The following H3C2 variants were observed in gnomAD, a reference collection of about 807,000 sequenced individuals.
H3C2 encodes the protein H3 clustered histone 2, also known as histone H3.1.
In H3C2, 13 loss-of-function variants were observed where a neutral mutation model predicts 8.7. The observed-to-expected ratio is 1.49, with a 90% confidence interval of 0.97 to 2.37. H3C2 has a LOEUF of 2.37. Ranked by LOEUF, H3C2 falls within the 30% of genes most tolerant of loss-of-function variation. The probability of loss-of-function intolerance (pLI) is 0.00; values close to 1 mark genes in which losing one functional copy is unlikely to be tolerated. For synonymous variants in H3C2, 166 were observed against 77.6 expected (o/e 2.14, Z -5.99); for missense variants, 144 against 190.4 (o/e 0.76, Z 1.44).
rs746444788 is a variant in H3C2, at chr6:26,031,923, A to G, written c.138T>C (p.Thr46=). The G allele has an allele frequency of 6.2e-7, 1 of 1,614,220 alleles. No individual in the cohort carries two copies. The highest frequency in any genetic ancestry group is 8.5e-7 in the Non-Finnish European group (1 of 1,180,034). Residue 46 remains threonine, a synonymous_variant, in exon 1 of 1, where the codon ACT becomes ACC. Coordinates refer to ENST00000621411, the MANE Select transcript of H3C2 (RefSeq NM_003537.4). ...VKKPHRYRPG[T]VALREIRRYQ... is the part of the protein sequence containing the mutation. ...AGCGGCGGATCTCGCGCAGAGCCAC[A>G]GTGCCCGGGCGGTAACGGTGAGGCT...
chr6:26,031,814 G>T lies in H3C2; in HGVS notation c.247C>A (p.Leu83Ile). 6.2e-7 allele frequency: 1 copy of T among 1,614,248 alleles called. No individual in the cohort carries two copies. Residue 83 changes from leucine (L) to isoleucine (I), a missense_variant, in exon 1 of 1, where the codon CTT becomes ATT. Coordinates refer to ENST00000621411, the MANE Select transcript of H3C2 (RefSeq NM_003537.4). ...REIAQDFKTD[L>I]RFQSSAVMAL... The stretch of plus-strand genomic sequence containing the variant: ...ATCACCGCAGAGCTCTGGAAGCGAA[G>T]ATCGGTCTTGAAGTCTTGGGCGATT...
Position 26,031,684 on chromosome 6 carries a change from T to G in H3C2, c.377A>C (p.Gln126Pro). 1 of 1,613,758 alleles carries G rather than the reference T, an allele frequency of 6.2e-7. No individual in the cohort carries two copies. The highest frequency in any genetic ancestry group is 8.5e-7 in the Non-Finnish European group (1 of 1,179,918). ...KRVTIMPKDIQLARRIRGERA is the reference protein window; with the variant it reads ...KRVTIMPKDIPLARRIRGERA ...TTCTCCGCGAATGCGGCGAGCGAGC[T>G]GGATGTCTTTGGGCATAATAGTCAC... The change falls in exon 1 of 1, where the codon CAG (glutamine) becomes CCG (proline). Residue 126 changes from glutamine (Q) to proline (P), a missense_variant. Transcript: ENST00000621411.
chr6:26,031,686 G>C lies in H3C2; in HGVS notation c.375C>G (p.Ile125Met), dbSNP rs757101316. The C allele has an allele frequency of 6.2e-7, 1 of 1,613,768 alleles. No homozygotes were observed. Among genetic ancestry groups the C allele is most frequent in the Non-Finnish European group, 8.5e-7 (1 of 1,179,942 alleles). Residue 125 changes from isoleucine (I) to methionine (M), a missense_variant, in exon 1 of 1, where the codon ATC becomes ATG. Transcript: ENST00000621411. ...AKRVTIMPKD[I>M]QLARRIRGER... Reference sequence around the variant, plus strand: ...CTCCGCGAATGCGGCGAGCGAGCTGGATGTCTTTGGGCATAATAGTCACTC... The same window carrying C: ...CTCCGCGAATGCGGCGAGCGAGCTGCATGTCTTTGGGCATAATAGTCACTC...
rs779220917 is a variant in H3C2, at chr6:26,031,787, C to A, written c.274G>T (p.Ala92Ser). ...TAGGCCTCACAAGCCTCCTGCAGCG[C>A]CATCACCGCAGAGCTCTGGAAGCGA... is the stretch of plus-strand genomic sequence containing the variant. ...DLRFQSSAVM[A>S]LQEACEAYLV... is the part of the protein sequence containing the mutation. The change falls in exon 1 of 1, where the codon GCG becomes TCG. Residue 92 changes from alanine to serine, a missense_variant. Ala to Ser is a moderately conservative substitution (Grantham distance 99, BLOSUM62 1). Transcript: ENST00000621411. The A allele has an allele frequency of 6.2e-7, 1 of 1,614,238 alleles. No homozygotes were observed. Among genetic ancestry groups the A allele is most frequent in the Non-Finnish European group, 8.5e-7 (1 of 1,180,036 alleles).
rs1454191612 is a variant in H3C2, at chr6:26,031,631, TG to T, written c.*18del. The T allele has an allele frequency of 6.8e-6, 11 of 1,608,454 alleles. No homozygotes were observed. Among genetic ancestry groups the T allele is most frequent in the South Asian group, 1.1e-5 (1 of 90,174 alleles). On this transcript the variant is annotated 3_prime_UTR_variant, in exon 1 of 1. Transcript: ENST00000621411. Reference sequence around the variant, plus strand: ...AAGAGCCTTTGGGTTTTAAGACTGATGAAAAAGTGACTTTACATTTACGCTC... The same window carrying T: ...AAGAGCCTTTGGGTTTTAAGACTGATAAAAAGTGACTTTACATTTACGCTC...
Position 26,031,620 on chromosome 6 carries a change from T to C in H3C2, c.*30A>G. 1.2e-6 allele frequency: 2 copies of C among 1,606,386 alleles called. No individual in the cohort carries two copies. Among genetic ancestry groups the C allele is most frequent in the Non-Finnish European group, 8.5e-7 (1 of 1,177,414 alleles). ...GTGGCTCTGAAAAGAGCCTTTGGGT[T>C]TTAAGACTGATGAAAAAGTGACTTT... is the stretch of plus-strand genomic sequence containing the variant. On this transcript the variant is annotated 3_prime_UTR_variant, in exon 1 of 1. Transcript: ENST00000621411.
chr6:26,032,049 A>G lies in H3C2; in HGVS notation c.12T>C (p.Thr4=), dbSNP rs754412657. Residue 4 remains threonine (T), a synonymous_variant, in exon 1 of 1, where the codon ACT becomes ACC. Transcript: ENST00000621411. The part of the protein sequence containing the change: MAR[T]KQTARKSTGG... The stretch of plus-strand genomic sequence containing the variant: ...CGGTGGATTTCCGAGCTGTCTGTTT[A>G]GTACGAGCCATGGCAAAACCACAGA... 1 of 1,611,248 alleles carries G rather than the reference A, an allele frequency of 6.2e-7. No homozygotes were observed. The highest frequency in any genetic ancestry group is 1.1e-5 in the South Asian group (1 of 90,936).
rs1177773736 is a variant in H3C2, at chr6:26,031,869, C to T, written c.192G>A (p.Arg64=). The T allele has an allele frequency of 1.1e-5, 18 of 1,614,142 alleles. No homozygotes were observed. Among genetic ancestry groups the T allele is most frequent in the Non-Finnish European group, 1.5e-5 (18 of 1,180,060 alleles). ...GCACCAGGCGCTGGAACGGCAGCTT[C>T]CGAATCAGCAACTCGGTCGACTTTT... ...RYQKSTELLI[R]KLPFQRLVRE... The change falls in exon 1 of 1, where the codon CGG becomes CGA. Residue 64 remains arginine (R), a synonymous_variant. Transcript: ENST00000621411.
At position 26,031,884 on chromosome 6, in the gene H3C2, G is replaced by A. The variant is rs754728737; in HGVS notation, c.177C>T (p.Thr59=). 17 of 1,614,236 alleles carry A rather than the reference G, an allele frequency of 1.1e-5. No individual in the cohort carries two copies. Among genetic ancestry groups the A allele is most frequent in the Non-Finnish European group, 1.4e-5 (17 of 1,180,038 alleles). The part of the protein sequence containing the change: ...LREIRRYQKS[T]ELLIRKLPFQ... ...ACGGCAGCTTCCGAATCAGCAACTC[G>A]GTCGACTTTTGGTAGCGGCGGATCT... The change falls in exon 1 of 1, where the codon ACC becomes ACT. Residue 59 remains threonine (T), a synonymous_variant. Transcript: ENST00000621411.
rs757101316 is a variant in H3C2, at chr6:26,031,686, G to A, written c.375C>T (p.Ile125=). ...AKRVTIMPKD[I]QLARRIRGER... ...CTCCGCGAATGCGGCGAGCGAGCTG[G>A]ATGTCTTTGGGCATAATAGTCACTC... Residue 125 remains isoleucine, a synonymous_variant, in exon 1 of 1, where the codon ATC becomes ATT. Coordinates refer to ENST00000621411, the MANE Select transcript of H3C2 (RefSeq NM_003537.4). 2 of 1,613,650 alleles carry A rather than the reference G, an allele frequency of 1.2e-6. No homozygotes were observed. The highest frequency in any genetic ancestry group is 1.1e-5 in the South Asian group (1 of 90,994).
rs201191911 is a variant in H3C2 at position 26,032,065 on chromosome 6, A to G, written c.-5T>C. ...TGTCTGTTTAGTACGAGCCATGGCA[A>G]AACCACAGAAAAGCTTGCCTGCAGA... On this transcript the variant is annotated 5_prime_UTR_variant, in exon 1 of 1. Coordinates refer to ENST00000621411, the MANE Select transcript of H3C2 (RefSeq NM_003537.4). 1.9e-6 allele frequency: 3 copies of G among 1,602,838 alleles called. No homozygotes were observed. Among genetic ancestry groups the G allele is most frequent in the South Asian group, 2.2e-5 (2 of 89,860 alleles).
Position 26,031,683 on chromosome 6 carries a change from C to G in H3C2, c.378G>C (p.Gln126His), listed in dbSNP as rs746929507. Reference sequence around the variant, plus strand: ...TTTCTCCGCGAATGCGGCGAGCGAGCTGGATGTCTTTGGGCATAATAGTCA... The same window carrying G: ...TTTCTCCGCGAATGCGGCGAGCGAGGTGGATGTCTTTGGGCATAATAGTCA... ...KRVTIMPKDI[Q>H]LARRIRGERA Residue 126 changes from glutamine (Q) to histidine (H), a missense_variant, in exon 1 of 1, where the codon CAG becomes CAC. Gln to His is a conservative substitution (Grantham distance 24). Transcript: ENST00000621411. 1.2e-6 allele frequency: 2 copies of G among 1,613,696 alleles called. No homozygotes were observed. The highest frequency in any genetic ancestry group is 1.7e-6 in the Non-Finnish European group (2 of 1,179,928).
rs764344046 is a variant in H3C2 at position 26,031,971 on chromosome 6, C to T, written c.90G>A (p.Ala30=). 1.2e-6 allele frequency: 2 copies of T among 1,614,174 alleles called. No homozygotes were observed. Among genetic ancestry groups the T allele is most frequent in the South Asian group, 1.1e-5 (1 of 91,082 alleles). ...GCTTTTTCACGCCGCCGGTAGCCGGCGCGCTCTTGCGAGCAGCCTTGGTAG... is the reference window on the plus strand; with the variant it reads ...GCTTTTTCACGCCGCCGGTAGCCGGTGCGCTCTTGCGAGCAGCCTTGGTAG... ...QLATKAARKS[A]PATGGVKKPH... The change falls in exon 1 of 1, where the codon GCG becomes GCA. Residue 30 remains alanine, a synonymous_variant. Transcript: ENST00000621411.
Position 26,031,965 on chromosome 6 carries a change from A to C in H3C2, c.96T>G (p.Ala32=). ...GGTGAGGCTTTTTCACGCCGCCGGTAGCCGGCGCGCTCTTGCGAGCAGCCT... is the reference window on the plus strand; with the variant it reads ...GGTGAGGCTTTTTCACGCCGCCGGTCGCCGGCGCGCTCTTGCGAGCAGCCT... The part of the protein sequence containing the change: ...ATKAARKSAP[A]TGGVKKPHRY... The change falls in exon 1 of 1, where the codon GCT becomes GCG. Residue 32 remains alanine, a synonymous_variant. Coordinates refer to ENST00000621411, the MANE Select transcript of H3C2 (RefSeq NM_003537.4). 1 of 1,614,202 alleles carries C rather than the reference A, an allele frequency of 6.2e-7. No individual in the cohort carries two copies. The highest frequency in any genetic ancestry group is 8.5e-7 in the Non-Finnish European group (1 of 1,180,032).
Position 26,031,886 on chromosome 6 carries a change from T to C in H3C2, c.175A>G (p.Thr59Ala), listed in dbSNP as rs765126317. The change falls in exon 1 of 1, where the codon ACC (threonine) becomes GCC (alanine). Residue 59 changes from threonine to alanine, a missense_variant. Physicochemically the swap from Thr to Ala is moderately conservative, Grantham distance 58. Coordinates refer to ENST00000621411, the MANE Select transcript of H3C2 (RefSeq NM_003537.4). ...LREIRRYQKSTELLIRKLPFQ... is the reference protein window; with the variant it reads ...LREIRRYQKSAELLIRKLPFQ... ...GGCAGCTTCCGAATCAGCAACTCGG[T>C]CGACTTTTGGTAGCGGCGGATCTCG... The C allele has an allele frequency of 1.2e-6, 2 of 1,614,248 alleles. No homozygotes were observed. Among genetic ancestry groups the C allele is most frequent in the Admixed American group, 1.7e-5 (1 of 60,028 alleles).
rs761223185 is a variant in H3C2 at position 26,031,818 on chromosome 6, G to C, written c.243C>G (p.Thr81=). 14 of 1,614,102 alleles carry C rather than the reference G, an allele frequency of 8.7e-6. No individual in the cohort carries two copies. The South Asian group carries it at 1.1e-4, about 13-fold the overall frequency. Reference sequence around the variant, plus strand: ...CCGCAGAGCTCTGGAAGCGAAGATCGGTCTTGAAGTCTTGGGCGATTTCTC... The same window carrying C: ...CCGCAGAGCTCTGGAAGCGAAGATCCGTCTTGAAGTCTTGGGCGATTTCTC... ...LVREIAQDFK[T]DLRFQSSAVM... The change falls in exon 1 of 1, where the codon ACC becomes ACG. Residue 81 remains threonine, a synonymous_variant. Transcript: ENST00000621411.
Position 26,031,606 on chromosome 6 carries a change from A to G in H3C2, c.*44T>C. ...GTTGGAATAAGTGGGTGGCTCTGAA[A>G]AGAGCCTTTGGGTTTTAAGACTGAT... is the stretch of plus-strand genomic sequence containing the variant. On this transcript the variant is annotated 3_prime_UTR_variant, in exon 1 of 1. Transcript: ENST00000621411. The G allele has an allele frequency of 1.3e-6, 2 of 1,583,540 alleles. No individual in the cohort carries two copies. Among genetic ancestry groups the G allele is most frequent in the Non-Finnish European group, 1.7e-6 (2 of 1,164,478 alleles).
rs2113678919 is a variant in H3C2 at position 26,031,988 on chromosome 6, C to T, written c.73G>A (p.Ala25Thr). The change falls in exon 1 of 1, where the codon GCT becomes ACT. Residue 25 changes from alanine to threonine, a missense_variant. Ala to Thr is a moderately conservative substitution (Grantham distance 58). Coordinates refer to ENST00000621411, the MANE Select transcript of H3C2 (RefSeq NM_003537.4). ...GTAGCCGGCGCGCTCTTGCGAGCAGCCTTGGTAGCCAGCTGCTTGCGTGGC... is the reference window on the plus strand; with the variant it reads ...GTAGCCGGCGCGCTCTTGCGAGCAGTCTTGGTAGCCAGCTGCTTGCGTGGC... ...KAPRKQLATK[A>T]ARKSAPATGG... 5 of 1,614,124 alleles carry T rather than the reference C, an allele frequency of 3.1e-6. No individual in the cohort carries two copies. The highest frequency in any genetic ancestry group is 2.5e-6 in the Non-Finnish European group (3 of 1,180,040).
Position 26,031,727 on chromosome 6 carries a change from C to T in H3C2, c.334G>A (p.Ala112Thr), listed in dbSNP as rs772413967. The T allele has an allele frequency of 6.2e-7, 1 of 1,614,236 alleles. No homozygotes were observed. Among genetic ancestry groups the T allele is most frequent in the Non-Finnish European group, 8.5e-7 (1 of 1,180,048 alleles). Residue 112 changes from alanine to threonine, a missense_variant, in exon 1 of 1, where the codon GCC becomes ACC. Ala to Thr is a moderately conservative substitution (Grantham distance 58). Coordinates refer to ENST00000621411, the MANE Select transcript of H3C2 (RefSeq NM_003537.4). ...VGLFEDTNLC[A>T]IHAKRVTIMP... is the part of the protein sequence containing the mutation. ...ATAGTCACTCGCTTAGCATGGATGG[C>T]GCAAAGGTTTGTGTCCTCAAAGAGC...
Sources: allele counts gnomAD v4.1 joint callset, GRCh38; gene constraint gnomAD v4.1.1; transcripts MANE v1.5; gene names NCBI Gene and HGNC (gene_info 2026-07-23, HGNC 2026-07-21).